Variants in GIT2 observed in about 807,000 individuals in gnomAD.
The protein encoded by GIT2 is GIT ArfGAP 2, also known as ARF GTPase-activating protein GIT2.
A neutral mutation model predicts 100.3 loss-of-function variants in GIT2; 32 were observed. The observed-to-expected ratio is 0.32, with a 90% CI of 0.24 to 0.43. The LOEUF (loss-of-function observed/expected upper bound fraction) is 0.43, where lower values mean the gene tolerates loss of function less well. Among genes scored for constraint, GIT2 ranks in the 20% least tolerant of loss-of-function variants. The probability of loss-of-function intolerance (pLI) is 1.00; values close to 1 mark genes in which losing one functional copy is unlikely to be tolerated. For synonymous variants in GIT2, 353 were observed against 364.1 expected (o/e 0.97, Z 0.35); for missense variants, 737 against 975.1 (o/e 0.76, Z 3.25).
chr12:109,990,495 T>C (rs1218074557), intron 2 of GIT2, among the ~76,000 whole-genome samples: 1 of 152,228 alleles, frequency 6.6e-6, no homozygotes, highest in Non-Finnish European at 1.5e-5. Context: ...CCAAATTTCA[T>C]TTCAAGGCAT....
At chr12:109,943,379 G>A (rs979262130) in intron 16 of GIT2, among the ~76,000 whole-genome samples, 2 of 152,170 alleles carry the variant, frequency 1.3e-5, no homozygotes, top group East Asian at 3.9e-4. Context: ...CCAGGCTGGA[G>A]TGCAGTGGTG....
chr12:109,935,243 T>C (rs1872658330), intron 18 of GIT2, among the ~76,000 whole-genome samples: 1 of 152,208 alleles, frequency 6.6e-6, no homozygotes, highest in East Asian at 1.9e-4. Context: ...TATGGAGTTA[T>C]TTAACTTGTA....
chr12:109,935,568 A>G (rs182663239), intron 18 of GIT2, among the ~76,000 whole-genome samples: 51 of 152,222 alleles, frequency 3.4e-4, no homozygotes, highest in Middle Eastern at 6.8e-3. Context: ...CACCCGGCTA[A>G]TTTTTGTATT....
chr12:109,946,612 C>T (rs1317059506), intron 15 of GIT2, among the ~76,000 whole-genome samples: 3 of 152,206 alleles, frequency 2.0e-5, no homozygotes, highest in African/African-American at 4.8e-5. Context: ...TTCAGCGCTT[C>T]TAAGACTGAT....
Position 109,951,195 on chromosome 12 carries a change from C to T in GIT2, c.1364G>A (p.Ser455Asn). 1.2e-6 allele frequency: 2 copies of T among 1,613,932 alleles called. No homozygotes were observed. Among genetic ancestry groups the T allele is most frequent in the Non-Finnish European group, 1.7e-6 (2 of 1,179,798 alleles). The change falls in exon 14 of 20, where the codon AGT becomes AAT. Residue 455 changes from serine (S) to asparagine (N), a missense_variant. By Grantham distance (46) the Ser-to-Asn change is conservative. Coordinates refer to ENST00000355312, the MANE Select transcript of GIT2 (RefSeq NM_057169.5). ...QQLMKVNNNL[S>N]DELRIMQKKL... is the part of the protein sequence containing the mutation. Reference sequence around the variant, plus strand: ...TTTCTGCATAATTCTCAGCTCGTCACTCAAGTTGTTATTCACCTTCATTAG... The same window carrying T: ...TTTCTGCATAATTCTCAGCTCGTCATTCAAGTTGTTATTCACCTTCATTAG...
chr12:109,970,794 T>C (rs1195064991), intron 7 of GIT2, among the ~76,000 whole-genome samples: 1 of 152,194 alleles, frequency 6.6e-6, no homozygotes, highest in Non-Finnish European at 1.5e-5. Flanking sequence ...TTTAAATTAT[T>C]ATTATTATTT....
At chr12:109,981,231 C>T in intron 6 of GIT2, 185 bp from the exon 7 acceptor site, 1 of 563,734 alleles carries the variant, frequency 1.8e-6, no homozygotes, top group Admixed American at 3.1e-5. Context: ...AAACTGTTTT[C>T]ACCATCTGAA....
chr12:109,989,776 A>G lies in GIT2; in HGVS notation c.213T>C (p.Gly71=). 1 of 1,601,446 alleles carries G rather than the reference A, an allele frequency of 6.2e-7. No homozygotes were observed. The highest frequency in any genetic ancestry group is 8.6e-7 in the Non-Finnish European group (1 of 1,168,588). The part of the protein sequence containing the change: ...LQMVETLYNN[G]ANSIWEHSLL... Reference sequence around the variant, plus strand: ...AAGAATGCTCCCATATAGAGTTAGCACCGTTATTATACAAGGTCTCAACCA... The same window carrying G: ...AAGAATGCTCCCATATAGAGTTAGCGCCGTTATTATACAAGGTCTCAACCA... Residue 71 remains glycine, a synonymous_variant, in exon 3 of 20, where the codon GGT becomes GGC. Transcript: ENST00000355312.
At chr12:109,974,481 G>A (rs910408025) in intron 7 of GIT2, among the ~76,000 whole-genome samples, 38 of 151,570 alleles carry the variant, frequency 2.5e-4, no homozygotes, top group African/African-American at 9.0e-4. Context: ...AGCCAAGATT[G>A]CGCCACTGCA....
intron 9 of GIT2, among the ~76,000 whole-genome samples, chr12:109,965,101 G>A (rs16940739): frequency 0.017 from 2,624 of 152,212 alleles, 78 homozygotes; most frequent in African/African-American, 0.06. Context: ...CAATATGGCT[G>A]GATCCAAATG....
intron 1 of GIT2, among the ~76,000 whole-genome samples, chr12:109,992,298 C>G (rs1888562509): frequency 1.3e-5 from 2 of 151,658 alleles, no homozygotes; most frequent in Admixed American, 1.3e-4. Flanking sequence ...AGGCATGCAC[C>G]ACCACGCCCG....
chr12:109,975,000 TATG>T (rs1449585557), intron 7 of GIT2, among the ~76,000 whole-genome samples: 6 of 152,220 alleles, frequency 3.9e-5, no homozygotes, highest in African/African-American at 7.2e-5. Flanking sequence ...TTGACTCATT[TATG>T]ATAATATTAT....
intron 18 of GIT2, among the ~76,000 whole-genome samples, chr12:109,936,844 G>C (rs1480152865): frequency 6.6e-6 from 1 of 151,124 alleles, no homozygotes; most frequent in Non-Finnish European, 1.5e-5. Context: ...TCTCCAGCCT[G>C]GGTGACAGAG....
chr12:109,963,809 C>G (rs1881620612), intron 9 of GIT2, among the ~76,000 whole-genome samples: 1 of 152,154 alleles, frequency 6.6e-6, no homozygotes, highest in Non-Finnish European at 1.5e-5. Flanking sequence ...GGGTGAGGGT[C>G]AACAAGTAAT....
intron 7 of GIT2, among the ~76,000 whole-genome samples, chr12:109,978,679 C>G (rs908230933): frequency 6.6e-6 from 1 of 152,128 alleles, no homozygotes; most frequent in African/African-American, 2.4e-5. Context: ...TTTTTCAGTT[C>G]TAATATTCCT....
chr12:109,979,649 A>G (rs1885915850), intron 7 of GIT2, among the ~76,000 whole-genome samples: 1 of 152,162 alleles, frequency 6.6e-6, no homozygotes. Context: ...AGTAAGACAA[A>G]CAGGACACTC....
intron 7 of GIT2, among the ~76,000 whole-genome samples, chr12:109,968,693 G>T (rs1883089837): frequency 6.6e-6 from 1 of 151,968 alleles, no homozygotes; most frequent in South Asian, 2.1e-4. Flanking sequence ...AAAGTGCTGG[G>T]ATTACAGGTG....
chr12:109,946,191 A>C (rs1031874374), intron 15 of GIT2, among the ~76,000 whole-genome samples: 2 of 152,216 alleles, frequency 1.3e-5, no homozygotes, highest in Non-Finnish European at 2.9e-5. Flanking sequence ...AAATGTATCA[A>C]ATCAATTGCC....
chr12:109,997,340 C>A (rs940409324), upstream of GIT2: 1 of 151,970 alleles, frequency 6.6e-6, no homozygotes, highest in African/African-American at 2.4e-5. Context: ...GATCGCGTCA[C>A]TGCACTCCAG....
Sources: allele counts gnomAD v4.1 joint callset (sites outside exome capture counted in the v4.1 genomes callset), GRCh38; gene constraint gnomAD v4.1.1; transcripts MANE v1.5; gene names NCBI Gene and HGNC (gene_info 2026-07-23, HGNC 2026-07-21).